The following SREBF2 variants were observed in gnomAD, a reference collection of about 807,000 sequenced individuals.
SREBF2 encodes sterol regulatory element binding transcription factor 2.
In SREBF2, 55 loss-of-function variants were observed where a neutral mutation model predicts 113.1. That is an observed-to-expected ratio of 0.49 (90% CI 0.39 to 0.61). The LOEUF (loss-of-function observed/expected upper bound fraction) is 0.61. Among genes scored for constraint, SREBF2 ranks in the 20% least tolerant of loss-of-function variants. The pLI is 0.00. For missense variants in SREBF2, 1,349 were observed against 1,487.4 expected (o/e 0.91, Z 1.53); for synonymous variants, 593 against 605.7 (o/e 0.98, Z 0.31).
chr22:41,874,781 C>G (rs2077178744), intron 5 of SREBF2, among the ~76,000 whole-genome samples: 3 of 152,148 alleles, frequency 2.0e-5, no homozygotes, highest in Non-Finnish European at 4.4e-5. Context: ...CTGGCAGGTG[C>G]CTGTAATCCC....
chr22:41,852,748 T>C (rs1025271109), intron 1 of SREBF2, among the ~76,000 whole-genome samples: 3 of 143,216 alleles, frequency 2.1e-5, no homozygotes, highest in African/African-American at 7.8e-5. Context: ...TTTTTTTTTT[T>C]TTTTTTTTTT....
In SREBF2 at chr22:41,897,128, C is replaced by G. The variant is rs1025302443; in HGVS notation, c.2572C>G (p.Leu858Val). 3 of 1,612,198 alleles carry G rather than the reference C, an allele frequency of 1.9e-6. No homozygotes were observed. Among genetic ancestry groups the G allele is most frequent in the Non-Finnish European group, 2.5e-6 (3 of 1,179,838 alleles). The change falls in exon 14 of 19, where the codon CTC becomes GTC. Residue 858 changes from leucine to valine, a missense_variant. Physicochemically the swap from Leu to Val is conservative, Grantham distance 32. This residue lies in a region of SREBF2 where 650 missense variants were observed against 644.1 expected (regional missense o/e 1.01). Coordinates refer to ENST00000361204, the MANE Select transcript of SREBF2 (RefSeq NM_004599.4). ...CTCTGTGGGGGTTATGAGCCCCCCA[C>G]TCTCCAGGAGCTCCGTGCTCAAGTC... Reference protein sequence around the residue: ...VDSVGVMSPPLSRSSVLKSAL... With the variant: ...VDSVGVMSPPVSRSSVLKSAL...
chr22:41,876,984 A>C (rs2077202465), intron 7 of SREBF2, among the ~76,000 whole-genome samples: 1 of 152,176 alleles, frequency 6.6e-6, no homozygotes, highest in African/African-American at 2.4e-5. Flanking sequence ...ATTTTAAAAG[A>C]AAATCTCTTC....
At chr22:41,892,920 C>T (rs879376233) in intron 11 of SREBF2, among the ~76,000 whole-genome samples, 197 bp from the exon 12 acceptor site, 3 of 152,206 alleles carry the variant, frequency 2.0e-5, no homozygotes, top group Non-Finnish European at 4.4e-5. Flanking sequence ...GCAAGTCCAG[C>T]ACACTCTACT....
chr22:41,893,978 T>C (rs762423738), intron 12 of SREBF2, among the ~76,000 whole-genome samples: 20 of 152,144 alleles, frequency 1.3e-4, no homozygotes, highest in Non-Finnish European at 2.6e-4. Flanking sequence ...GTGTCACACA[T>C]TGGGGGAGTT....
intron 1 of SREBF2, among the ~76,000 whole-genome samples, chr22:41,842,981 C>T (rs942244698): frequency 4.0e-5 from 6 of 149,636 alleles, no homozygotes; most frequent in Non-Finnish European, 8.9e-5. Flanking sequence ...CAGAGCGAGA[C>T]GTCCGTCTCA....
At chr22:41,878,958 A>G (rs1258688310) in intron 9 of SREBF2, among the ~76,000 whole-genome samples, 1 of 152,218 alleles carries the variant, frequency 6.6e-6, no homozygotes, top group Non-Finnish European at 1.5e-5. Context: ...TTTTACAAGC[A>G]TCATTATGGT....
rs2076860836 is a variant in SREBF2 at position 41,844,635 on chromosome 22, A to G, written c.88+11277A>G. ...CAGGCCTTGAGAATTGCTAATGGAT[A>G]TGTATCTAAATGTCCCTTACAAGCT... is the stretch of plus-strand genomic sequence containing the variant. On this transcript the variant is annotated intron_variant, in intron 1 of 18. Coordinates refer to ENST00000361204, the MANE Select transcript of SREBF2 (RefSeq NM_004599.4). Among the ~76,000 whole-genome samples the G allele has an allele frequency of 2.0e-5, 3 of 152,198 alleles. No individual in the cohort carries two copies. In the South Asian group the frequency reaches 6.2e-4, roughly 32 times the overall value.
intron 17 of SREBF2, 173 bp from the exon 18 acceptor site, chr22:41,904,690 G>A (rs764572432): frequency 2.8e-6 from 2 of 717,458 alleles, no homozygotes; most frequent in Non-Finnish European, 5.2e-6. Context: ...TTCCTGCCTG[G>A]CTCAGGGTCA....
chr22:41,842,203 C>T (rs533179558), intron 1 of SREBF2, among the ~76,000 whole-genome samples: 3 of 152,306 alleles, frequency 2.0e-5, no homozygotes, highest in African/African-American at 4.8e-5. Context: ...AAGTCTTGCT[C>T]CCGGCCCTAC....
chr22:41,861,908 G>T (rs1602294420), intron 1 of SREBF2, among the ~76,000 whole-genome samples: 1 of 150,482 alleles, frequency 6.6e-6, no homozygotes, highest in Admixed American at 6.6e-5. Flanking sequence ...AACAGAGCGA[G>T]ACTTTGTCTC....
chr22:41,877,205 C>T, intron 7 of SREBF2, 24 bp from the exon 8 acceptor site: 1 of 1,613,466 alleles, frequency 6.2e-7, no homozygotes. Context: ...GTATTTATTC[C>T]AACCTCGAGG....
intron 17 of SREBF2, among the ~76,000 whole-genome samples, chr22:41,904,164 C>T (rs1167272599): frequency 6.6e-6 from 1 of 152,190 alleles, no homozygotes; most frequent in African/African-American, 2.4e-5. Context: ...AGGTGTGAGC[C>T]ACCTCGCCTG....
At chr22:41,881,788 C>A (rs73163396) in intron 10 of SREBF2, among the ~76,000 whole-genome samples, 16,123 of 152,174 alleles carry the variant, frequency 0.11, 1,476 homozygotes, top group Admixed American at 0.3. Flanking sequence ...AAGAGTCAGG[C>A]TGGGCATGGT....
intron 15 of SREBF2, chr22:41,899,489 G>C: frequency 2.0e-6 from 2 of 994,194 alleles, no homozygotes; most frequent in Non-Finnish European, 2.4e-6. Context: ...TATCCTTAGA[G>C]CCAAGGCTGT....
At chr22:41,895,007 G>T (rs1463191459) in intron 13 of SREBF2, 70 bp downstream of exon 13, 9 of 1,224,548 alleles carry the variant, frequency 7.3e-6, no homozygotes, top group Non-Finnish European at 8.4e-6. Context: ...CAGCCTGAAG[G>T]CCTGCACTCC....
At chr22:41,857,117 C>T (rs1490707833) in intron 1 of SREBF2, among the ~76,000 whole-genome samples, 1 of 149,968 alleles carries the variant, frequency 6.7e-6, no homozygotes, top group Non-Finnish European at 1.5e-5. Flanking sequence ...GTTGGATGAA[C>T]AAGATACTCA....
rs536653651 is a variant in SREBF2, at chr22:41,892,517, G to A, written c.2209-600G>A. Among the ~76,000 whole-genome samples, 21 of 151,844 alleles carry A rather than the reference G, an allele frequency of 1.4e-4. No individual in the cohort carries two copies. In the East Asian group the frequency reaches 1.9e-3, roughly 14 times the overall value. On this transcript the variant is annotated intron_variant, in intron 11 of 18. Transcript: ENST00000361204. ...ACAAAAATTAGCCGGGCATGGTGGC[G>A]CGCGCCTGTAGTCCCAGCTACACGG... is the stretch of plus-strand genomic sequence containing the variant.
chr22:41,891,762 A>G (rs1400713856), intron 11 of SREBF2, among the ~76,000 whole-genome samples: 3 of 151,960 alleles, frequency 2.0e-5, no homozygotes, highest in African/African-American at 4.8e-5. Context: ...TGGGCTTTCT[A>G]TCTTATGCTT....
Sources: gnomAD v4.1 joint callset for allele counts (sites outside exome capture counted in the v4.1 genomes callset) on GRCh38, gnomAD v4.1.1 for gene constraint, gnomAD v4.1.1 regional missense constraint, MANE v1.5 for transcripts, NCBI Gene and HGNC (gene_info 2026-07-23, HGNC 2026-07-21) for gene names.